GATA4: variants seen among roughly 807,000 people sequenced by gnomAD.
GATA4 encodes transcription factor GATA-4.
In GATA4, 7 loss-of-function variants were observed where a neutral mutation model predicts 37.9. The observed-to-expected ratio is 0.18, with a 90% CI of 0.11 to 0.35. The LOEUF is 0.35. Ranked by LOEUF, GATA4 falls within the 10% of genes least tolerant of loss-of-function variation. The pLI, the probability that GATA4 is intolerant of heterozygous loss-of-function variation, is 1.00. For synonymous variants in GATA4, 372 were observed against 292.6 expected, an observed-to-expected ratio of 1.27 and a Z score of -2.77; for missense variants, 647 against 653.0, an observed-to-expected ratio of 0.99 and a Z score of 0.10.
chr8:11,693,125 A>C lies in GATA4; in HGVS notation c.-729+465A>C, dbSNP rs1353228401. ...CACTTCTTAATCCCAGTGTCTGTTA[A>C]CGATGTGGTGTTCATTTGTTCCTAA... On this transcript the variant is annotated intron_variant, in intron 1 of 2. Coordinates refer to the GATA4 transcript ENST00000526974. 4.2e-6 allele frequency: 4 copies of C among 957,004 alleles called. No individual in the cohort carries two copies. The South Asian group carries it at 1.9e-4, about 46-fold the overall frequency. 59.3% of individuals were successfully genotyped at this position (957,004 alleles called of 1,614,324 possible).
At chr8:11,730,863 A>C (rs1304199229) in intron 2 of GATA4, among the ~76,000 whole-genome samples, 1 of 152,144 alleles carries the variant, frequency 6.6e-6, no homozygotes, top group Non-Finnish European at 1.5e-5. Context: ...GGTCAGCCTG[A>C]CTTCCCCGGC....
chr8:11,698,855 G>A (rs886598258), intron 1 of GATA4, among the ~76,000 whole-genome samples: 3 of 152,134 alleles, frequency 2.0e-5, no homozygotes, highest in Admixed American at 6.5e-5. Flanking sequence ...GTTTGTAGGC[G>A]ATAGCAGCTC....
At chr8:11,715,818 T>G (rs550415805) in intron 2 of GATA4, among the ~76,000 whole-genome samples, 31 of 152,294 alleles carry the variant, frequency 2.0e-4, no homozygotes, top group African/African-American at 7.2e-4. Flanking sequence ...TTTGCATTGC[T>G]GTGTATCAGA....
At chr8:11,692,750 G>A in intron 1 of GATA4, 4 of 983,304 alleles carry the variant, frequency 4.1e-6, no homozygotes, top group Non-Finnish European at 4.8e-6. Context: ...ACGCGAGGGC[G>A]CGGACGGACG....
chr8:11,751,784 C>A (rs1259540143), intron 4 of GATA4, among the ~76,000 whole-genome samples: 1 of 152,166 alleles, frequency 6.6e-6, no homozygotes, highest in Non-Finnish European at 1.5e-5. Context: ...TGCCCATATA[C>A]TTGGCAAAAA....
At position 11,708,884 on chromosome 8, in the gene GATA4, G is replaced by A; in HGVS notation, c.572G>A (p.Ser191Asn). Residue 191 changes from serine to asparagine, a missense_variant, in exon 2 of 7, where the codon AGC becomes AAC. Physicochemically the swap from Ser to Asn is conservative, Grantham distance 46. Transcript: ENST00000532059. The surrounding 1 kb of genome is among the most constrained non-coding windows in gnomAD (Gnocchi z 6.7). Reference sequence around the variant, plus strand: ...CCCTTCGACAGCCCGGTCCTGCACAGCCTGCCCGGCCGGGCCAACCCGGCC... The same window carrying A: ...CCCTTCGACAGCCCGGTCCTGCACAACCTGCCCGGCCGGGCCAACCCGGCC... ...AGPFDSPVLH[S>N]LPGRANPAAR... The A allele has an allele frequency of 2.6e-6, 4 of 1,528,464 alleles. No homozygotes were observed. Among genetic ancestry groups the A allele is most frequent in the Non-Finnish European group, 3.5e-6 (4 of 1,144,048 alleles). 94.7% of individuals were successfully genotyped at this position (1,528,464 alleles called of 1,614,324 possible).
chr8:11,733,405 G>C (rs1176190805), intron 2 of GATA4, among the ~76,000 whole-genome samples: 1 of 152,180 alleles, frequency 6.6e-6, no homozygotes, highest in African/African-American at 2.4e-5. Context: ...AAACAAACTA[G>C]AGACACACTG....
rs56140732 is a variant in GATA4, at chr8:11,708,891, C to G, written c.579C>G (p.Pro193=). Residue 193 remains proline (P), a synonymous_variant, in exon 2 of 7, where the codon CCC becomes CCG. Transcript: ENST00000532059. This position sits in a 1 kb window ranked among gnomAD's most constrained non-coding sequence, Gnocchi z 6.7. Reference sequence around the variant, plus strand: ...ACAGCCCGGTCCTGCACAGCCTGCCCGGCCGGGCCAACCCGGCCGCCCGAC... The same window carrying G: ...ACAGCCCGGTCCTGCACAGCCTGCCGGGCCGGGCCAACCCGGCCGCCCGAC... ...PFDSPVLHSL[P]GRANPAARHP... is the part of the protein sequence containing the mutation. 1 of 1,528,466 alleles carries G rather than the reference C, an allele frequency of 6.5e-7. No individual in the cohort carries two copies. The highest frequency in any genetic ancestry group is 8.7e-7 in the Non-Finnish European group (1 of 1,144,050). The allele number at this position is 1,528,466 out of a possible 1,614,324, so 94.7% of individuals were successfully genotyped here. A position where few individuals can be genotyped will look rare whatever the true frequency, so the allele number is the denominator to read the frequency against.
At chr8:11,726,859 G>A (rs1800948783) in intron 2 of GATA4, among the ~76,000 whole-genome samples, 1 of 152,184 alleles carries the variant, frequency 6.6e-6, no homozygotes. Context: ...TTCCATCAGT[G>A]TTCTGGACCT....
rs1020960215 is a variant in GATA4 at position 11,709,868 on chromosome 8, A to G, written c.616+940A>G. 6.6e-6 allele frequency among the ~76,000 whole-genome samples: 1 copy of G among 152,174 alleles called. No individual in the cohort carries two copies. The highest frequency in any genetic ancestry group is 1.9e-4 in the East Asian group (1 of 5,190). ...GTACACGGGCCGGGGGAGAAAGGGA[A>G]GTGGCAACCCCTAGTTCAAAATGCA... On this transcript the variant is annotated intron_variant, in intron 2 of 6. Coordinates refer to ENST00000532059, the MANE Select transcript of GATA4 (RefSeq NM_001308093.3). This position sits in a 1 kb window ranked among gnomAD's most constrained non-coding sequence, Gnocchi z 4.3.
chr8:11,696,883 C>T (rs918645524), intron 1 of GATA4, among the ~76,000 whole-genome samples: 2 of 152,236 alleles, frequency 1.3e-5, no homozygotes, highest in African/African-American at 4.8e-5. Flanking sequence ...CCCACCAGCC[C>T]CTGAGCCTAC....
upstream of GATA4, among the ~76,000 whole-genome samples, chr8:11,690,746 C>T (rs77595212): frequency 0.017 from 2,555 of 152,242 alleles, 69 homozygotes; most frequent in South Asian, 0.086. Flanking sequence ...TGGTGCGCAC[C>T]TGTACTCCTC....
intron 1 of GATA4, chr8:11,694,338 T>G (rs1377649149): frequency 5.1e-6 from 1 of 196,142 alleles, no homozygotes; most frequent in Non-Finnish European, 9.2e-6. Context: ...AGAGGGAGAC[T>G]GAGGCTCCCA....
rs145079850 is a variant in GATA4, at chr8:11,753,300, G to T, written c.913-1746G>T. 6.2e-4 allele frequency among the ~76,000 whole-genome samples: 95 copies of T among 152,230 alleles called. No homozygotes were observed. The East Asian group carries it at 6.4e-3, about 10-fold the overall frequency. On this transcript the variant is annotated intron_variant, in intron 4 of 6. Transcript: ENST00000532059. ...GACAGAAAGTAGAATGGAGGCTGTC[G>T]GGGGCTAGGGAAAGGGGGAATGAGG...
chr8:11,685,434 G>C lies in GATA4; in HGVS notation c.-274+8371G>C, dbSNP rs1402197840. 2.0e-5 allele frequency among the ~76,000 whole-genome samples: 3 copies of C among 152,222 alleles called. No individual in the cohort carries two copies. In the East Asian group the frequency reaches 5.8e-4, roughly 29 times the overall value. ...AATAAACAAATATTTTGAGAGAGGT[G>C]AGGAAGATTGGCCAGATCCAAGACA... On this transcript the variant is annotated intron_variant, in intron 1 of 6. Coordinates refer to the GATA4 transcript ENST00000528712.
intron 1 of GATA4, chr8:11,681,152 C>G: frequency 1.3e-5 from 13 of 985,228 alleles, no homozygotes; most frequent in Non-Finnish European, 1.6e-5. Flanking sequence ...TCTCCAGCTC[C>G]GTTCTGTTCG....
At chr8:11,727,514 G>A (rs1351520713) in intron 2 of GATA4, among the ~76,000 whole-genome samples, 1 of 152,198 alleles carries the variant, frequency 6.6e-6, no homozygotes, top group African/African-American at 2.4e-5. Flanking sequence ...AGTCTAGTAA[G>A]TGGTTAAAGA....
At chr8:11,697,222 C>T (rs1304592403) in intron 1 of GATA4, among the ~76,000 whole-genome samples, 1 of 152,244 alleles carries the variant, frequency 6.6e-6, no homozygotes, top group African/African-American at 2.4e-5. Context: ...CCCACTCTAA[C>T]CGGAGAGCCC....
chr8:11,726,061 C>A (rs1195623836), intron 2 of GATA4, among the ~76,000 whole-genome samples: 1 of 152,220 alleles, frequency 6.6e-6, no homozygotes, highest in African/African-American at 2.4e-5. Flanking sequence ...GCCACATTTC[C>A]TTCTGGGGTC....
Sources: allele counts gnomAD v4.1 joint callset (sites outside exome capture counted in the v4.1 genomes callset), GRCh38; gene constraint gnomAD v4.1.1; non-coding constraint Gnocchi (gnomAD v3.1); transcripts MANE v1.5; gene names NCBI Gene and HGNC (gene_info 2026-07-23, HGNC 2026-07-21).